The following SGO2 variants were observed in gnomAD, a reference collection of about 807,000 sequenced individuals.
The protein encoded by SGO2 is shugoshin 2.
SGO2 carries 68 observed loss-of-function variants against 99.5 expected under a neutral mutation model. The observed-to-expected ratio is 0.68, with a 90% CI of 0.56 to 0.84. The LOEUF (loss-of-function observed/expected upper bound fraction) is 0.84. SGO2 is among the 40% of genes least tolerant of loss of function. The pLI is 0.00. For missense variants in SGO2, 1,350 were observed against 1,436.7 expected (o/e 0.94, Z 0.97); for synonymous variants, 457 against 487.1 (o/e 0.94, Z 0.81).
Position 200,535,706 on chromosome 2 carries a change from CT to C in SGO2, c.310-358del, listed in dbSNP as rs201442155. ...CTTTTTATAATGGAAAAAGGACCTACTCTACTTGTGGGTTTAATTCCGGTGG... is the reference window on the plus strand; with the variant it reads ...CTTTTTATAATGGAAAAAGGACCTACCTACTTGTGGGTTTAATTCCGGTGG... On this transcript the variant is annotated intron_variant, in intron 3 of 8. Coordinates refer to ENST00000357799, the MANE Select transcript of SGO2 (RefSeq NM_152524.6). Among the ~76,000 whole-genome samples the C allele has an allele frequency of 3.9e-3, 593 of 152,148 alleles. 4 individuals carry two copies. The highest frequency in any genetic ancestry group is 0.013 in the African/African-American group (558 of 41,530).
chr2:200,579,934 T>C (rs1024255938), intron 8 of SGO2, among the ~76,000 whole-genome samples: 3 of 152,192 alleles, frequency 2.0e-5, no homozygotes, highest in African/African-American at 7.2e-5. Flanking sequence ...TATAGTGCAT[T>C]ATAATTTATG....
At chr2:200,539,825 C>T (rs1230899130) in intron 4 of SGO2, among the ~76,000 whole-genome samples, 1 of 152,064 alleles carries the variant, frequency 6.6e-6, no homozygotes. Context: ...TTCTCCTTTC[C>T]TCTAGGACTC....
intron 5 of SGO2, among the ~76,000 whole-genome samples, chr2:200,568,276 T>C (rs2106340087): frequency 6.6e-6 from 1 of 152,334 alleles, no homozygotes; most frequent in Non-Finnish European, 1.5e-5. Context: ...TCTCTTTTGA[T>C]TATCTTTTCC....
rs199948791 is a variant in SGO2, at chr2:200,558,725, A to AT, written c.474-10922dup. ...TGTTTTATGGCAGCATTTGTGTAGG[A>AT]TTTTTTTTTTTTTTTTAATGTTTAG... On this transcript the variant is annotated intron_variant, in intron 5 of 8. Coordinates refer to ENST00000357799, the MANE Select transcript of SGO2 (RefSeq NM_152524.6). Among the ~76,000 whole-genome samples the AT allele has an allele frequency of 8.0e-3, 767 of 95,740 alleles. 2 individuals are homozygous for AT. The highest frequency in any genetic ancestry group is 0.015 in the African/African-American group (385 of 25,008). The allele number at this position is 95,740 out of a possible 152,430, so 62.8% of individuals were successfully genotyped here.
At chr2:200,551,988 G>C (rs2032506435) in intron 5 of SGO2, among the ~76,000 whole-genome samples, 1 of 152,116 alleles carries the variant, frequency 6.6e-6, no homozygotes, top group South Asian at 2.1e-4. Context: ...TTTAGAATCA[G>C]CTTGTCAGTT....
chr2:200,535,240 C>A, intron 3 of SGO2, 69 bp downstream of exon 3: 1 of 1,313,842 alleles, frequency 7.6e-7, no homozygotes, highest in Non-Finnish European at 1.0e-6. Flanking sequence ...ATTATAGAAG[C>A]TTTAAAAATA....
At chr2:200,529,001 T>C (rs981014786) in intron 1 of SGO2, among the ~76,000 whole-genome samples, 2 of 152,214 alleles carry the variant, frequency 1.3e-5, no homozygotes, top group African/African-American at 4.8e-5. Context: ...TTTAACAACA[T>C]AGTAATTCAG....
intron 2 of SGO2, among the ~76,000 whole-genome samples, chr2:200,534,288 A>G (rs2031581771): frequency 6.6e-6 from 1 of 152,200 alleles, no homozygotes; most frequent in African/African-American, 2.4e-5. Context: ...TTTACCAGGG[A>G]ATTCACAATG....
intron 1 of SGO2, among the ~76,000 whole-genome samples, chr2:200,527,545 G>A (rs543241994): frequency 6.6e-6 from 1 of 152,318 alleles, no homozygotes; most frequent in African/African-American, 2.4e-5. Context: ...CCCCATTGCA[G>A]AAATTTCTTC....
chr2:200,570,016 C>T lies in SGO2; in HGVS notation c.703+124C>T. The T allele has an allele frequency of 1.6e-6, 1 of 642,874 alleles. No individual in the cohort carries two copies. Among genetic ancestry groups the T allele is most frequent in the Non-Finnish European group, 2.7e-6 (1 of 375,604 alleles). The allele number at this position is 642,874 out of a possible 1,614,324, so 39.8% of individuals were successfully genotyped here. A position where few individuals can be genotyped will look rare whatever the true frequency, so the allele number is the denominator to read the frequency against. ...CTCTCTTATGTTACCGATTTGCTAA[C>T]TTCTGCCATTTAAAACTGCTGGTGA... On this transcript the variant is annotated intron_variant, in intron 6 of 8. Coordinates refer to ENST00000357799, the MANE Select transcript of SGO2 (RefSeq NM_152524.6). This position sits in a 1 kb window ranked among gnomAD's most constrained non-coding sequence, Gnocchi z 4.4.
intron 5 of SGO2, among the ~76,000 whole-genome samples, chr2:200,559,846 T>G (rs1351430532): frequency 1.3e-5 from 2 of 152,232 alleles, no homozygotes; most frequent in Admixed American, 6.5e-5. Flanking sequence ...ATGGGTATTT[T>G]TATTTTTACT....
intron 2 of SGO2, 127 bp downstream of exon 2, chr2:200,533,235 T>C: frequency 9.3e-7 from 1 of 1,077,496 alleles, no homozygotes; most frequent in Non-Finnish European, 1.3e-6. Flanking sequence ...CTGATAACTT[T>C]TTAAATTTGA....
chr2:200,534,834 C>T (rs779801790), intron 2 of SGO2, among the ~76,000 whole-genome samples, 162 bp from the exon 3 acceptor site: 1 of 152,164 alleles, frequency 6.6e-6, no homozygotes, highest in South Asian at 2.1e-4. Context: ...CACCTCTAAA[C>T]TCTGGGTTTA....
rs372665931 is a variant in SGO2, at chr2:200,571,125, G to A, written c.779G>A (p.Arg260His). ...ATGAGAAACGCCCAGTCTATTGGCC[G>A]CAGATGGGAGAAACCATCTCCTAGT... is the stretch of plus-strand genomic sequence containing the variant. ...SEMRNAQSIGRRWEKPSPSNV... is the reference protein window; with the variant it reads ...SEMRNAQSIGHRWEKPSPSNV... The change falls in exon 7 of 9, where the codon CGC becomes CAC. Residue 260 changes from arginine to histidine, a missense_variant. By Grantham distance (29) the Arg-to-His change is conservative. Coordinates refer to ENST00000357799, the MANE Select transcript of SGO2 (RefSeq NM_152524.6). The A allele has an allele frequency of 3.7e-5, 60 of 1,613,416 alleles. No homozygotes were observed. In the African/African-American group the frequency reaches 5.6e-4, roughly 15 times the overall value.
At chr2:200,542,853 C>T in intron 5 of SGO2, 189 bp downstream of exon 5, 1 of 408,802 alleles carries the variant, frequency 2.4e-6, no homozygotes, top group Non-Finnish European at 4.4e-6. Context: ...TACGGTCAAT[C>T]CCCCAACCAG....
chr2:200,551,719 A>G (rs1214129315), intron 5 of SGO2, among the ~76,000 whole-genome samples: 5 of 151,892 alleles, frequency 3.3e-5, no homozygotes, highest in Admixed American at 2.0e-4. Context: ...TAGGTATCTT[A>G]CTGACCTTGT....
rs71022323 is a variant in SGO2, at chr2:200,570,478, A to ATGTG, written c.704-543_704-540dup. Among the ~76,000 whole-genome samples, 14,967 of 142,638 alleles carry ATGTG rather than the reference A, an allele frequency of 0.1. 933 individuals are homozygous for ATGTG. The highest frequency in any genetic ancestry group is 0.3 in the East Asian group (1,450 of 4,914). The allele number at this position is 142,638 out of a possible 152,430, so 93.6% of individuals were successfully genotyped here. ...TTAGAATTGTTTTTCCTTTCTGAAA[A>ATGTG]TGTGTGTGTGTGTGTGTGTGTGTGT... On this transcript the variant is annotated intron_variant, in intron 6 of 8. Coordinates refer to ENST00000357799, the MANE Select transcript of SGO2 (RefSeq NM_152524.6). This position sits in a 1 kb window ranked among gnomAD's most constrained non-coding sequence, Gnocchi z 4.4.
chr2:200,574,295 G>T (rs556875396), intron 7 of SGO2, among the ~76,000 whole-genome samples: 1 of 152,024 alleles, frequency 6.6e-6, no homozygotes, highest in African/African-American at 2.4e-5. Flanking sequence ...TGTTTTAAAT[G>T]TATATAATAA....
intron 4 of SGO2, among the ~76,000 whole-genome samples, chr2:200,540,018 A>G (rs915042661): frequency 3.4e-5 from 5 of 144,990 alleles, no homozygotes; most frequent in African/African-American, 1.3e-4. Flanking sequence ...AATTTATTTT[A>G]TTTTATTTGG....
Sources: allele counts gnomAD v4.1 joint callset (sites outside exome capture counted in the v4.1 genomes callset), GRCh38; gene constraint gnomAD v4.1.1; non-coding constraint Gnocchi (gnomAD v3.1); transcripts MANE v1.5; gene names NCBI Gene and HGNC (gene_info 2026-07-23, HGNC 2026-07-21).